Variants in PAPPA2 observed in about 807,000 individuals in gnomAD.
The protein encoded by PAPPA2 is pappalysin 2, also known as pappalysin-2.
A neutral mutation model predicts 176.4 loss-of-function variants in PAPPA2; 86 were observed. The observed-to-expected ratio is 0.49, with a 90% CI of 0.41 to 0.58. The LOEUF (loss-of-function observed/expected upper bound fraction) is 0.58, where lower values mean the gene tolerates loss of function less well. Among genes scored for constraint, PAPPA2 ranks in the 20% least tolerant of loss-of-function variants. PAPPA2 has a pLI of 0.00. For synonymous variants in PAPPA2, 809 were observed against 852.2 expected, an observed-to-expected ratio of 0.95 and a Z score of 0.88; for missense variants, 2,073 against 2,256.9, an observed-to-expected ratio of 0.92 and a Z score of 1.65.
chr1:176,482,461 A>G (rs1454290493), intron 1 of PAPPA2, among the ~76,000 whole-genome samples: 1 of 152,160 alleles, frequency 6.6e-6, no homozygotes, highest in East Asian at 1.9e-4. Context: ...CATTGTTACT[A>G]TTTTGCTCTT....
intron 1 of PAPPA2, among the ~76,000 whole-genome samples, chr1:176,533,767 T>A (rs964558745): frequency 1.3e-5 from 2 of 152,206 alleles, no homozygotes; most frequent in African/African-American, 4.8e-5. Context: ...TCAGCAATTT[T>A]AACAAGCTGT....
At chr1:176,759,274 A>G (rs1454728137) in intron 14 of PAPPA2, among the ~76,000 whole-genome samples, 1 of 152,210 alleles carries the variant, frequency 6.6e-6, no homozygotes, top group Non-Finnish European at 1.5e-5. Context: ...TTACAATCTT[A>G]GTATTGTAGG....
chr1:176,773,728 C>G (rs1350172551), intron 17 of PAPPA2, among the ~76,000 whole-genome samples: 2 of 152,096 alleles, frequency 1.3e-5, no homozygotes, highest in Non-Finnish European at 2.9e-5. Flanking sequence ...TATGTATTTT[C>G]AATACATATG....
intron 2 of PAPPA2, among the ~76,000 whole-genome samples, chr1:176,564,345 C>A (rs758175246): frequency 1.3e-5 from 2 of 152,190 alleles, no homozygotes; most frequent in Non-Finnish European, 2.9e-5. Context: ...GTTTAGGCTT[C>A]TTGGGCCATG....
rs1055744956 is a variant in PAPPA2 at position 176,556,215 on chromosome 1, C to T, written c.-108C>T. 5 of 1,301,830 alleles carry T rather than the reference C, an allele frequency of 3.8e-6. No homozygotes were observed. In the African/African-American group the frequency reaches 5.9e-5, roughly 15 times the overall value. The allele number at this position is 1,301,830 out of a possible 1,614,324, so 80.6% of individuals were successfully genotyped here. On this transcript the variant is annotated 5_prime_UTR_variant, in exon 2 of 23. Coordinates refer to ENST00000367662, the MANE Select transcript of PAPPA2 (RefSeq NM_020318.3). ...TTTGGTCTGTGAACAAAACAGTTTC[C>T]CTGGTGACTGCAAATCCATTGCTAG...
chr1:176,515,287 C>T (rs780982864), intron 1 of PAPPA2, among the ~76,000 whole-genome samples: 7 of 152,078 alleles, frequency 4.6e-5, no homozygotes, highest in East Asian at 1.9e-4. Flanking sequence ...ACCAGGCTAA[C>T]GGGAATGGCT....
In PAPPA2 at chr1:176,706,418, T is replaced by C; in HGVS notation, c.3425T>C (p.Val1142Ala). The change falls in exon 10 of 23, where the codon GTG becomes GCG. Residue 1142 changes from valine (V) to alanine (A), a missense_variant. Physicochemically the swap from Val to Ala is moderately conservative, Grantham distance 64. Transcript: ENST00000367662. Reference protein sequence around the residue: ...DLVSGDGCSKVCELEEGFNCV... With the variant: ...DLVSGDGCSKACELEEGFNCV... ...GTGAGCGGAGATGGCTGCTCCAAGG[T>C]GTGTGAGCTGGAGGAAGGTTTCAAC... 3 of 1,613,728 alleles carry C rather than the reference T, an allele frequency of 1.9e-6. No individual in the cohort carries two copies. The highest frequency in any genetic ancestry group is 2.5e-6 in the Non-Finnish European group (3 of 1,179,788).
rs1401546034 is a variant in PAPPA2 at position 176,702,733 on chromosome 1, A to C, written c.3363A>C (p.Ser1121=). ...CTTATTGTGGAGATGGGAAGGTGTC[A>C]GAGTGAGTATTTTGTGTGTGTGTGT... ...GAPYCGDGKV[S]ERLGEECDDG... Residue 1121 remains serine, a splice_region_variant and synonymous_variant, in exon 9 of 23, where the codon TCA becomes TCC. Coordinates refer to ENST00000367662, the MANE Select transcript of PAPPA2 (RefSeq NM_020318.3). 3.2e-5 allele frequency: 50 copies of C among 1,583,726 alleles called. No homozygotes were observed. Among genetic ancestry groups the C allele is most frequent in the Non-Finnish European group, 4.3e-5 (50 of 1,161,550 alleles).
At chr1:176,731,679 A>G (rs1198973631) in intron 12 of PAPPA2, among the ~76,000 whole-genome samples, 4 of 151,544 alleles carry the variant, frequency 2.6e-5, no homozygotes, top group African/African-American at 9.7e-5. Flanking sequence ...ATATATGTGT[A>G]TATATACATA....
chr1:176,623,770 T>TTC (rs1655830193), intron 3 of PAPPA2, among the ~76,000 whole-genome samples: 1 of 110,434 alleles, frequency 9.1e-6, no homozygotes, highest in Admixed American at 1.0e-4. Flanking sequence ...TTTCTTTCTT[T>TTC]CTTTCTTTCT....
intron 1 of PAPPA2, among the ~76,000 whole-genome samples, chr1:176,531,477 C>G (rs181733228): frequency 4.8e-4 from 73 of 152,272 alleles, no homozygotes; most frequent in African/African-American, 1.4e-3. Flanking sequence ...GAGAACCTAT[C>G]CTAGGTGCTG....
In PAPPA2 at chr1:176,762,110, G is replaced by A. The variant is rs145267215; in HGVS notation, c.4152-3556G>A. 1.0e-3 allele frequency among the ~76,000 whole-genome samples: 155 copies of A among 152,276 alleles called. 1 individual carries two copies. The Middle Eastern group carries it at 0.014, about 13-fold the overall frequency. On this transcript the variant is annotated intron_variant, in intron 14 of 22. Transcript: ENST00000367662. ...CTACAATTGGTACCAGATGCCATCA[G>A]AAGCTAACGACCTGACAAACTCTGT...
At chr1:176,800,619 ACT>A (rs753227755) in intron 21 of PAPPA2, among the ~76,000 whole-genome samples, 1 of 152,200 alleles carries the variant, frequency 6.6e-6, no homozygotes, top group Non-Finnish European at 1.5e-5. Context: ...AATATTTAAA[ACT>A]CTGCACAAAG....
At chr1:176,771,498 C>T (rs1251399383) in intron 17 of PAPPA2, among the ~76,000 whole-genome samples, 1 of 152,152 alleles carries the variant, frequency 6.6e-6, no homozygotes, top group Non-Finnish European at 1.5e-5. Context: ...CAATTGCAGG[C>T]CTGGCCTGGT....
chr1:176,512,080 T>C (rs1648629860), intron 1 of PAPPA2, among the ~76,000 whole-genome samples: 1 of 152,034 alleles, frequency 6.6e-6, no homozygotes, highest in Non-Finnish European at 1.5e-5. Flanking sequence ...CTCCCCAAAA[T>C]GGCAAAATAT....
At chr1:176,590,602 A>G (rs1653597615) in intron 2 of PAPPA2, among the ~76,000 whole-genome samples, 1 of 152,162 alleles carries the variant, frequency 6.6e-6, no homozygotes, top group Non-Finnish European at 1.5e-5. Context: ...TATTTTATTT[A>G]ATTCTCACAA....
chr1:176,696,862 T>A (rs1660410891), intron 7 of PAPPA2, among the ~76,000 whole-genome samples: 1 of 152,246 alleles, frequency 6.6e-6, no homozygotes, highest in Non-Finnish European at 1.5e-5. Context: ...GATATCATCC[T>A]GGGCTCCCAG....
chr1:176,484,526 T>A (rs1226482228), intron 1 of PAPPA2, among the ~76,000 whole-genome samples: 1 of 152,222 alleles, frequency 6.6e-6, no homozygotes, highest in East Asian at 1.9e-4. Flanking sequence ...GATAGTCTGT[T>A]CAGGTTTTAT....
rs1470551574 is a variant in PAPPA2 at position 176,842,723 on chromosome 1, A to C, written c.*269A>C. The C allele has an allele frequency of 3.0e-5, 13 of 432,364 alleles. No individual in the cohort carries two copies. The highest frequency in any genetic ancestry group is 5.6e-5 in the South Asian group (2 of 35,792). 26.8% of individuals were successfully genotyped at this position (432,364 alleles called of 1,614,324 possible). The stretch of plus-strand genomic sequence containing the variant: ...GGGGAAATATGATAGATATATAAGG[A>C]CCCTCCTCCCTCACTTATATTCTAT... On this transcript the variant is annotated 3_prime_UTR_variant, in exon 23 of 23. Coordinates refer to ENST00000367662, the MANE Select transcript of PAPPA2 (RefSeq NM_020318.3).
Sources: allele counts gnomAD v4.1 joint callset (sites outside exome capture counted in the v4.1 genomes callset), GRCh38; gene constraint gnomAD v4.1.1; transcripts MANE v1.5; gene names NCBI Gene and HGNC (gene_info 2026-07-23, HGNC 2026-07-21).